The following MED22 variants were observed in gnomAD, a reference collection of about 807,000 sequenced individuals.
MED22 encodes mediator of RNA polymerase II transcription subunit 22.
A neutral mutation model predicts 22.7 loss-of-function variants in MED22; 22 were observed. The observed-to-expected ratio is 0.97, with a 90% CI of 0.69 to 1.38. The LOEUF (loss-of-function observed/expected upper bound fraction) is 1.38. Among genes scored for constraint, MED22 ranks in the 40% most tolerant of loss-of-function variants. MED22 has a pLI of 0.00. For missense variants in MED22, 247 were observed against 263.0 expected, an observed-to-expected ratio of 0.94 and a Z score of 0.42; for synonymous variants, 134 against 119.4, an observed-to-expected ratio of 1.12 and a Z score of -0.80.
At position 133,345,274 on chromosome 9, in the gene MED22, T is replaced by C; in HGVS notation, c.124-22A>G. The C allele has an allele frequency of 1.9e-6, 3 of 1,612,618 alleles. 1 individual carries two copies. In the South Asian group the frequency reaches 3.3e-5, roughly 18 times the overall value. ...CAATCTGGGGGAAAACAAGAAAACCTAGAAATCAACCCAGCCAAGGCATCC... is the reference window on the plus strand; with the variant it reads ...CAATCTGGGGGAAAACAAGAAAACCCAGAAATCAACCCAGCCAAGGCATCC... On this transcript the variant is annotated intron_variant, in intron 2 of 4. Coordinates refer to ENST00000343730, the MANE Select transcript of MED22 (RefSeq NM_133640.5).
intron 4 of MED22, chr9:133,342,874 A>G: frequency 1.0e-6 from 1 of 985,556 alleles, no homozygotes; most frequent in Non-Finnish European, 1.2e-6. Flanking sequence ...CCCTGCCCCA[A>G]GGCAAGGCAG....
chr9:133,342,990 G>A lies in MED22; in HGVS notation c.413+1135C>T, dbSNP rs2129955572. The A allele has an allele frequency of 2.5e-5, 25 of 986,236 alleles. No individual in the cohort carries two copies. The South Asian group carries it at 1.0e-3, about 41-fold the overall frequency. 61.1% of individuals were successfully genotyped at this position (986,236 alleles called of 1,614,324 possible). The stretch of plus-strand genomic sequence containing the variant: ...GAACAGCTGTGGAAGGAGATGCCCA[G>A]AAGGGTCTGAAACACCCCAGGACCC... On this transcript the variant is annotated intron_variant, in intron 4 of 4. Transcript: ENST00000343730.
rs2129955503 is a variant in MED22, at chr9:133,342,968, C to T, written c.413+1157G>A. ...GCCTCAAAGAGACCGACAAACTGAACAGCTGTGGAAGGAGATGCCCAGAAG... is the reference window on the plus strand; with the variant it reads ...GCCTCAAAGAGACCGACAAACTGAATAGCTGTGGAAGGAGATGCCCAGAAG... On this transcript the variant is annotated intron_variant, in intron 4 of 4. Coordinates refer to ENST00000343730, the MANE Select transcript of MED22 (RefSeq NM_133640.5). 90 of 985,904 alleles carry T rather than the reference C, an allele frequency of 9.1e-5. No homozygotes were observed. In the South Asian group the frequency reaches 3.8e-3, roughly 42 times the overall value. 61.1% of individuals were successfully genotyped at this position (985,904 alleles called of 1,614,324 possible). A position where few individuals can be genotyped will look rare whatever the true frequency, so the allele number is the denominator to read the frequency against.
intron 4 of MED22, chr9:133,343,352 C>T: frequency 8.1e-7 from 1 of 1,230,580 alleles, no homozygotes; most frequent in Non-Finnish European, 1.0e-6. Context: ...GGAAGGCCTC[C>T]CTGTCTCCAG....
rs201830770 is a variant in MED22 at position 133,346,720 on chromosome 9, T to C, written c.-38-20A>G. 197 of 1,587,230 alleles carry C rather than the reference T, an allele frequency of 1.2e-4. No individual in the cohort carries two copies. The highest frequency in any genetic ancestry group is 1.7e-5 in the Admixed American group (1 of 58,410). On this transcript the variant is annotated intron_variant, in intron 1 of 4. Transcript: ENST00000343730. ...TGGGACCTAGAGTGCAGCACAGACC[T>C]CTGAGTGCAGGCAGAGTCTACCCCA...
At position 133,344,246 on chromosome 9, in the gene MED22, T is replaced by C. The variant is rs1448939701; in HGVS notation, c.292A>G (p.Ile98Val). 10 of 1,614,212 alleles carry C rather than the reference T, an allele frequency of 6.2e-6. No individual in the cohort carries two copies. Among genetic ancestry groups the C allele is most frequent in the Non-Finnish European group, 8.5e-6 (10 of 1,180,038 alleles). Residue 98 changes from isoleucine (I) to valine (V), a missense_variant, in exon 4 of 5, where the codon ATT becomes GTT. By Grantham distance (29) the Ile-to-Val change is conservative. Coordinates refer to ENST00000343730, the MANE Select transcript of MED22 (RefSeq NM_133640.5). The stretch of plus-strand genomic sequence containing the variant: ...CGCAGCTGCTGGTTGCGCTGGTCAA[T>C]GGCCTCGTTCACGGAGGGGAAGTCA... ...LNDFPSVNEAIDQRNQQLRTL... is the reference protein window; with the variant it reads ...LNDFPSVNEAVDQRNQQLRTL...
At chr9:133,345,733 C>T (rs943276171) in intron 2 of MED22, among the ~76,000 whole-genome samples, 8 of 152,052 alleles carry the variant, frequency 5.3e-5, no homozygotes, top group Non-Finnish European at 7.4e-5. Flanking sequence ...TTCACAGAAG[C>T]CTGGCCTGCC....
rs933988760 is a variant in MED22 at position 133,343,996 on chromosome 9, T to C, written c.413+129A>G. 3.9e-5 allele frequency: 59 copies of C among 1,500,680 alleles called. No homozygotes were observed. The South Asian group carries it at 6.5e-4, about 16-fold the overall frequency. 93.0% of individuals were successfully genotyped at this position (1,500,680 alleles called of 1,614,324 possible). ...AACGCTCTGGCCAGGAGCTCTGCTC[T>C]GAAACCCAGGCATGGCTCCACTGCT... On this transcript the variant is annotated intron_variant, in intron 4 of 4. Transcript: ENST00000343730.
chr9:133,343,757 T>A, intron 4 of MED22: 1 of 1,326,124 alleles, frequency 7.5e-7, no homozygotes, highest in Non-Finnish European at 9.6e-7. Flanking sequence ...AATCTCTACA[T>A]ATGGATTCAG....
chr9:133,343,425 A>C, intron 4 of MED22: 3 of 1,226,586 alleles, frequency 2.4e-6, no homozygotes, highest in Non-Finnish European at 3.1e-6. Context: ...CTCCAGCTCA[A>C]ACGGTCGAAG....
At chr9:133,346,208 A>C (rs2129967641) in intron 2 of MED22, among the ~76,000 whole-genome samples, 2 of 150,580 alleles carry the variant, frequency 1.3e-5, no homozygotes, top group African/African-American at 4.9e-5. Flanking sequence ...GCCCCCCCCC[A>C]CTTCTCCCCT....
chr9:133,343,687 G>T, intron 4 of MED22: 1 of 1,260,268 alleles, frequency 7.9e-7, no homozygotes, highest in Non-Finnish European at 1.0e-6. Context: ...TGCATCCCTG[G>T]TGCCCTGGAC....
rs1319421265 is a variant in MED22, at chr9:133,343,872, C to A, written c.413+253G>T. On this transcript the variant is annotated intron_variant, in intron 4 of 4. Transcript: ENST00000343730. ...GCCAGGCGCCTCCCTTCTCCAGACT[C>A]GGCCTATCCGACTGGCGTGAGTCCT... The A allele has an allele frequency of 4.2e-6, 6 of 1,419,472 alleles. No individual in the cohort carries two copies. The South Asian group carries it at 4.8e-5, about 11-fold the overall frequency. 87.9% of individuals were successfully genotyped at this position (1,419,472 alleles called of 1,614,324 possible).
intron 1 of MED22, chr9:133,347,364 A>C (rs907576091): frequency 6.6e-6 from 1 of 152,134 alleles, no homozygotes; most frequent in Non-Finnish European, 1.5e-5. Context: ...AAAAATACAA[A>C]AATTAGCCGG....
At chr9:133,343,911 C>G (rs897034876) in intron 4 of MED22, 8 of 1,433,600 alleles carry the variant, frequency 5.6e-6, no homozygotes, top group African/African-American at 1.4e-5. Flanking sequence ...GTTTTCATCA[C>G]ATTGCACTGT....
chr9:133,343,853 C>T, intron 4 of MED22: 4 of 1,412,848 alleles, frequency 2.8e-6, no homozygotes, highest in East Asian at 2.5e-5. Flanking sequence ...TACAGCCAGG[C>T]GCCTCCCTTC....
At position 133,341,572 on chromosome 9, in the gene MED22, C is replaced by T; in HGVS notation, c.536G>A (p.Gly179Asp). 1 of 1,573,940 alleles carries T rather than the reference C, an allele frequency of 6.4e-7. No homozygotes were observed. Among genetic ancestry groups the T allele is most frequent in the South Asian group, 1.2e-5 (1 of 84,996 alleles). Residue 179 changes from glycine to aspartate, a missense_variant, in exon 5 of 5, where the codon GGC becomes GAC. Physicochemically the swap from Gly to Asp is moderately conservative, Grantham distance 94. Transcript: ENST00000343730. ...PLLASPEPSA[G>D]PLQVAAPAHS... ...GGCAGGGGCTGCCACCTGTAGGGGG[C>T]CAGCACTGGGCTCCGGGGACGCCAG...
intron 4 of MED22, chr9:133,343,253 A>C: frequency 8.2e-7 from 1 of 1,212,202 alleles, no homozygotes; most frequent in Non-Finnish European, 1.0e-6. Context: ...ACCAGGAAGG[A>C]AAGGTTTGTC....
chr9:133,339,469 G>T lies in MED22; in HGVS notation c.*2036C>A. The stretch of plus-strand genomic sequence containing the variant: ...TCCCTATGAATTCATGGCATCGTGG[G>T]TGTTAAAAAAATAAAAGACCTCTGG... On this transcript the variant is annotated 3_prime_UTR_variant, in exon 5 of 5. Transcript: ENST00000343730. 1 of 711,846 alleles carries T rather than the reference G, an allele frequency of 1.4e-6. No homozygotes were observed. The allele number at this position is 711,846 out of a possible 1,614,324, so 44.1% of individuals were successfully genotyped here.
Sources: gnomAD v4.1 joint callset for allele counts (sites outside exome capture counted in the v4.1 genomes callset) on GRCh38, gnomAD v4.1.1 for gene constraint, MANE v1.5 for transcripts, NCBI Gene and HGNC (gene_info 2026-07-23, HGNC 2026-07-21) for gene names.